The following EP300 variants were observed in gnomAD, a reference collection of about 807,000 sequenced individuals.
The protein encoded by EP300 is histone acetyltransferase p300.
EP300 carries 31 observed loss-of-function variants against 264.0 expected under a neutral mutation model. That is an observed-to-expected ratio of 0.12 (90% confidence interval 0.09 to 0.16). EP300 has a LOEUF of 0.16. Ranked by LOEUF, EP300 falls within the 10% of genes least tolerant of loss-of-function variation. The pLI is 1.00. For synonymous variants in EP300, 1,340 were observed against 1,045.4 expected (o/e 1.28, Z -5.44); for missense variants, 2,766 against 3,052.9 (o/e 0.91, Z 2.21).
intron 10 of EP300, among the ~76,000 whole-genome samples, chr22:41,144,228 CTTGTG>C (rs1045785387): frequency 4.8e-4 from 73 of 151,928 alleles, no homozygotes; most frequent in African/African-American, 1.6e-3. Context: ...TTCCAGGATA[CTTGTG>C]TTGTGTGATA....
At chr22:41,102,228 T>C (rs1244744744) in intron 1 of EP300, among the ~76,000 whole-genome samples, 1 of 152,090 alleles carries the variant, frequency 6.6e-6, no homozygotes. Flanking sequence ...TCCTGGAGTT[T>C]ATAGATAAGG....
intron 16 of EP300, among the ~76,000 whole-genome samples, chr22:41,153,817 C>T (rs2059060924): frequency 6.6e-6 from 1 of 152,182 alleles, no homozygotes; most frequent in African/African-American, 2.4e-5. Flanking sequence ...ATTTTTAGCA[C>T]AGCTAAATAT....
intron 1 of EP300, among the ~76,000 whole-genome samples, chr22:41,106,914 T>C (rs568834090): frequency 3.9e-5 from 6 of 152,198 alleles, no homozygotes; most frequent in African/African-American, 1.2e-4. Context: ...ATTTTTTTAT[T>C]TTTATTTTTT....
At chr22:41,141,742 T>C (rs918001712) in intron 10 of EP300, among the ~76,000 whole-genome samples, 1 of 151,854 alleles carries the variant, frequency 6.6e-6, no homozygotes, top group East Asian at 1.9e-4. Context: ...GGTGGCATGA[T>C]CTTGGATCAC....
intron 26 of EP300, 113 bp downstream of exon 26, chr22:41,169,729 C>T: frequency 1.4e-6 from 1 of 697,792 alleles, no homozygotes; most frequent in Non-Finnish European, 2.5e-6. Context: ...CATTTTAGTT[C>T]TTACGTAACA....
chr22:41,148,993 CTA>C (rs749012973), intron 12 of EP300, 43 bp from the exon 13 acceptor site: 3 of 1,610,516 alleles, frequency 1.9e-6, no homozygotes, highest in East Asian at 2.2e-5. Context: ...AGTAGAATAA[CTA>C]TAATGAAGCA....
At chr22:41,159,547 T>TA (rs1225724554) in intron 19 of EP300, 4 of 152,238 alleles carry the variant, frequency 2.6e-5, no homozygotes, top group Non-Finnish European at 2.9e-5. Flanking sequence ...AACAGTAGTC[T>TA]AAAGTGTTTA....
chr22:41,127,824 ATT>A (rs2058891858), intron 4 of EP300, 76 bp downstream of exon 4: 1 of 1,579,662 alleles, frequency 6.3e-7, no homozygotes, highest in Non-Finnish European at 8.7e-7. Flanking sequence ...GATCAAGTCT[ATT>A]TTGTGGTGAT....
chr22:41,103,054 T>G (rs1162271758), intron 1 of EP300, among the ~76,000 whole-genome samples: 1 of 152,180 alleles, frequency 6.6e-6, no homozygotes, highest in Non-Finnish European at 1.5e-5. Context: ...TTCACCATGT[T>G]GATCAGGCTG....
chr22:41,145,330 T>C (rs935559573), intron 10 of EP300, among the ~76,000 whole-genome samples: 3 of 152,244 alleles, frequency 2.0e-5, no homozygotes, highest in Admixed American at 2.0e-4. Context: ...TAAAAGTTTA[T>C]ATGAATAAAT....
chr22:41,110,270 C>CTT (rs2058782246), intron 1 of EP300, among the ~76,000 whole-genome samples: 1 of 136,868 alleles, frequency 7.3e-6, no homozygotes, highest in African/African-American at 2.8e-5. Context: ...TGCATGCCAG[C>CTT]ATATCCAGCT....
chr22:41,141,112 G>A lies in EP300; in HGVS notation c.1943G>A (p.Arg648Gln), dbSNP rs2058979612. ...ATCCAGAAAGAACTAGAAGAAAAAC[G>A]AAGGACCAGACTACAGAAGCAGAAC... The part of the protein sequence containing the change: ...YKIQKELEEK[R>Q]RTRLQKQNML... The change falls in exon 10 of 31, where the codon CGA becomes CAA. Residue 648 changes from arginine (R) to glutamine (Q), a missense_variant. Arg to Gln is a conservative substitution (Grantham distance 43). Transcript: ENST00000263253. 3.1e-6 allele frequency: 5 copies of A among 1,613,950 alleles called. No individual in the cohort carries two copies. Among genetic ancestry groups the A allele is most frequent in the Admixed American group, 1.7e-5 (1 of 59,984 alleles).
At chr22:41,150,679 A>G (rs1204607259) in intron 14 of EP300, among the ~76,000 whole-genome samples, 1 of 152,072 alleles carries the variant, frequency 6.6e-6, no homozygotes, top group Non-Finnish European at 1.5e-5. Context: ...ACTTGAGGTC[A>G]GGAGTTCAAG....
chr22:41,130,151 C>T (rs933915393), intron 5 of EP300, 148 bp downstream of exon 5: 2 of 661,962 alleles, frequency 3.0e-6, no homozygotes, highest in Middle Eastern at 4.1e-4. Flanking sequence ...TTCTGCTTCC[C>T]TAGTGCATAG....
intron 5 of EP300, 93 bp downstream of exon 5, chr22:41,130,096 T>C: frequency 2.1e-6 from 2 of 933,428 alleles, no homozygotes; most frequent in South Asian, 1.3e-5. Context: ...GAGGGACCTG[T>C]GGTGTTGTAC....
At chr22:41,103,261 T>G (rs17002286) in intron 1 of EP300, among the ~76,000 whole-genome samples, 2,695 of 152,266 alleles carry the variant, frequency 0.018, 75 homozygotes, top group African/African-American at 0.062. Flanking sequence ...AAGTTGGTGG[T>G]TCTTCTGAGT....
chr22:41,171,461 T>A (rs2059170399), intron 27 of EP300, among the ~76,000 whole-genome samples: 1 of 152,060 alleles, frequency 6.6e-6, no homozygotes, highest in Admixed American at 6.6e-5. Flanking sequence ...CTCAGCTTCC[T>A]GAGTTGCTGG....
In EP300 at chr22:41,176,296, C is replaced by T. The variant is rs771861948; in HGVS notation, c.4829C>T (p.Pro1610Leu). The T allele has an allele frequency of 3.7e-6, 6 of 1,614,210 alleles. No homozygotes were observed. The highest frequency in any genetic ancestry group is 5.1e-6 in the Non-Finnish European group (6 of 1,180,028). Residue 1610 changes from proline to leucine, a missense_variant, in exon 30 of 31, where the codon CCT becomes CTT. Coordinates refer to ENST00000263253, the MANE Select transcript of EP300 (RefSeq NM_001429.4). ...GCTGGCCCTGCTGCCAACTCCCTGC[C>T]TCCCATTGTTGATCCTGATCCTCTC... Reference protein sequence around the residue: ...LIAGPAANSLPPIVDPDPLIP... With the variant: ...LIAGPAANSLLPIVDPDPLIP...
In EP300 at chr22:41,179,262, G is replaced by T; in HGVS notation, c.*306G>T. ...CTGTGAAGCCAAACAATATGCTCCT[G>T]CCTTGCACCTCCAATAGGTTTTATT... On this transcript the variant is annotated 3_prime_UTR_variant, in exon 31 of 31. Coordinates refer to ENST00000263253, the MANE Select transcript of EP300 (RefSeq NM_001429.4). 1 of 370,442 alleles carries T rather than the reference G, an allele frequency of 2.7e-6. No homozygotes were observed. Among genetic ancestry groups the T allele is most frequent in the East Asian group, 4.2e-5 (1 of 23,584 alleles). The allele number at this position is 370,442 out of a possible 1,614,324, so 22.9% of individuals were successfully genotyped here.
Sources: allele counts gnomAD v4.1 joint callset (sites outside exome capture counted in the v4.1 genomes callset), GRCh38; gene constraint gnomAD v4.1.1; transcripts MANE v1.5; gene names NCBI Gene and HGNC (gene_info 2026-07-23, HGNC 2026-07-21).